The following MATN2 variants were observed in gnomAD, a reference collection of about 807,000 sequenced individuals.
The protein encoded by MATN2 is matrilin-2.
MATN2 carries 69 observed loss-of-function variants against 103.2 expected under a neutral mutation model. The observed-to-expected ratio is 0.67, with a 90% CI of 0.55 to 0.82. The LOEUF (loss-of-function observed/expected upper bound fraction) is 0.82, where lower values mean the gene tolerates loss of function less well. Ranked by LOEUF, MATN2 falls within the 40% of genes least tolerant of loss-of-function variation. The probability of loss-of-function intolerance (pLI) is 0.00; values close to 1 mark genes in which losing one functional copy is unlikely to be tolerated. For synonymous variants in MATN2, 429 were observed against 450.2 expected (o/e 0.95, Z 0.60); for missense variants, 1,023 against 1,211.5 (o/e 0.84, Z 2.31).
rs376896350 is a variant in MATN2, at chr8:97,943,448, A to ACCTCCT, written c.835+1562_835+1567dup. Among the ~76,000 whole-genome samples the ACCTCCT allele has an allele frequency of 1.1e-3, 138 of 125,374 alleles. 1 individual carries two copies. The highest frequency in any genetic ancestry group is 4.1e-3 in the African/African-American group (128 of 31,286). The allele number at this position is 125,374 out of a possible 152,430, so 82.3% of individuals were successfully genotyped here. A position where few individuals can be genotyped will look rare whatever the true frequency, so the allele number is the denominator to read the frequency against. On this transcript the variant is annotated intron_variant, in intron 4 of 18. Transcript: ENST00000254898. ...CTCCTTCTCCTTCTCCTCCTCCTCC[A>ACCTCCT]CCTCCTCCTCCTCCTCCTTCTTCTT... is the stretch of plus-strand genomic sequence containing the variant.
At chr8:97,998,147 T>G (rs1372929631) in intron 7 of MATN2, among the ~76,000 whole-genome samples, 5 of 151,562 alleles carry the variant, frequency 3.3e-5, no homozygotes, top group African/African-American at 1.2e-4. Flanking sequence ...AATAGCTGCC[T>G]GCCAGATTGC....
chr8:97,952,916 A>ATTTTTTT (rs71570276), intron 4 of MATN2, among the ~76,000 whole-genome samples: 7 of 96,104 alleles, frequency 7.3e-5, no homozygotes, highest in East Asian at 3.2e-4. Flanking sequence ...GTTTGTAGGG[A>ATTTTTTT]TTTTTTTTTT....
intron 11 of MATN2, among the ~76,000 whole-genome samples, chr8:98,017,091 T>A (rs183118711): frequency 6.6e-6 from 1 of 152,366 alleles, no homozygotes; most frequent in Admixed American, 6.5e-5. Context: ...TTCACTTATA[T>A]GCTCTGTGGC....
intron 10 of MATN2, among the ~76,000 whole-genome samples, chr8:98,010,002 C>T (rs559709269): frequency 2.0e-5 from 3 of 152,296 alleles, no homozygotes; most frequent in Non-Finnish European, 2.9e-5. Context: ...GCACAGGGTC[C>T]GCTCCCCGCT....
At chr8:97,933,232 G>A (rs1439743232) in intron 3 of MATN2, among the ~76,000 whole-genome samples, 2 of 152,228 alleles carry the variant, frequency 1.3e-5, no homozygotes, top group Non-Finnish European at 2.9e-5. Context: ...TGCAGAGGCT[G>A]TGTTGTTGTG....
At chr8:97,954,330 T>G (rs1410153514) in intron 4 of MATN2, among the ~76,000 whole-genome samples, 2 of 152,214 alleles carry the variant, frequency 1.3e-5, no homozygotes, top group African/African-American at 2.4e-5. Context: ...AAGCCTGCTC[T>G]CTCACCACGC....
intron 4 of MATN2, among the ~76,000 whole-genome samples, chr8:97,948,026 C>G (rs551719636): frequency 9.9e-5 from 15 of 152,066 alleles, no homozygotes; most frequent in Non-Finnish European, 1.5e-4. Context: ...TGAAAGCTAT[C>G]GTTCATATTT....
At position 98,033,570 on chromosome 8, in the gene MATN2, T is replaced by G. The variant is rs1400800199; in HGVS notation, c.2726T>G (p.Leu909Trp). 3 of 1,589,842 alleles carry G rather than the reference T, an allele frequency of 1.9e-6. No homozygotes were observed. In the African/African-American group the frequency reaches 4.0e-5, roughly 21 times the overall value. Residue 909 changes from leucine to tryptophan, a missense_variant, in exon 18 of 19, where the codon TTG becomes TGG. Leu to Trp is a moderately conservative substitution (Grantham distance 61). Coordinates refer to ENST00000254898, the MANE Select transcript of MATN2 (RefSeq NM_002380.5). ...CCATCTGCTTTCTCAGGAAGCCCTTTGGAAGAAAAACACGATCAATGCAAA... is the reference window on the plus strand; with the variant it reads ...CCATCTGCTTTCTCAGGAAGCCCTTGGGAAGAAAAACACGATCAATGCAAA... ...SHSTKPSGSP[L>W]EEKHDQCKCE... is the part of the protein sequence containing the mutation.
At chr8:97,922,495 T>TA (rs778958128) in intron 2 of MATN2, among the ~76,000 whole-genome samples, 3 of 152,196 alleles carry the variant, frequency 2.0e-5, no homozygotes, top group South Asian at 2.1e-4. Context: ...CAGACGTGGG[T>TA]AAAATTGAGT....
chr8:97,907,595 T>G (rs996195447), intron 2 of MATN2, among the ~76,000 whole-genome samples: 12 of 152,258 alleles, frequency 7.9e-5, no homozygotes, highest in African/African-American at 2.4e-4. Context: ...GTGCTGGGAT[T>G]ACAGGCGTGA....
At chr8:98,028,919 C>T (rs1267693725) in intron 14 of MATN2, among the ~76,000 whole-genome samples, 4 of 152,122 alleles carry the variant, frequency 2.6e-5, no homozygotes, top group African/African-American at 9.7e-5. Context: ...TTGTTGAGGA[C>T]ACACTGCTTT....
rs375745491 is a variant in MATN2, at chr8:97,870,547, A to G, written c.-27+1260A>G. Among the ~76,000 whole-genome samples, 27 of 152,304 alleles carry G rather than the reference A, an allele frequency of 1.8e-4. No homozygotes were observed. In the East Asian group the frequency reaches 4.4e-3, roughly 25 times the overall value. Reference sequence around the variant, plus strand: ...AGAAAAAAAAAAAGATATGGCAAGTAAAGTCCTTAGAACATTTCCAGGAGC... The same window carrying G: ...AGAAAAAAAAAAAGATATGGCAAGTGAAGTCCTTAGAACATTTCCAGGAGC... On this transcript the variant is annotated intron_variant, in intron 1 of 18. Coordinates refer to ENST00000254898, the MANE Select transcript of MATN2 (RefSeq NM_002380.5).
At position 97,931,512 on chromosome 8, in the gene MATN2, G is replaced by T. The variant is rs1374090507; in HGVS notation, c.702G>T (p.Lys234Asn). 1.9e-6 allele frequency: 3 copies of T among 1,605,858 alleles called. No homozygotes were observed. The highest frequency in any genetic ancestry group is 2.5e-6 in the Non-Finnish European group (3 of 1,176,522). The change falls in exon 3 of 19, where the codon AAG becomes AAT. Residue 234 changes from lysine (K) to asparagine (N), a missense_variant. Physicochemically the swap from Lys to Asn is moderately conservative, Grantham distance 94 (BLOSUM62 0). Transcript: ENST00000254898. This position sits in a 1 kb window ranked among gnomAD's most constrained non-coding sequence, Gnocchi z 4.1. ...QIETLTSVFQ[K>N]KLCTAHMCST... ...AGACGCTGACCTCCGTGTTCCAGAA[G>T]AAGTTGTGCAGTAAGTCCTGCTCCT... is the stretch of plus-strand genomic sequence containing the variant.
chr8:97,951,997 G>C (rs1810968840), intron 4 of MATN2: 1 of 152,180 alleles, frequency 6.6e-6, no homozygotes, highest in African/African-American at 2.4e-5. Context: ...AGAAGCACGA[G>C]GCTGATGACT....
chr8:97,938,128 C>G (rs1278803932), intron 3 of MATN2, among the ~76,000 whole-genome samples: 1 of 152,172 alleles, frequency 6.6e-6, no homozygotes, highest in Non-Finnish European at 1.5e-5. Flanking sequence ...CCACTCATGA[C>G]AGTGGGTGAC....
intron 3 of MATN2, among the ~76,000 whole-genome samples, chr8:97,941,186 G>GAAAAAAAAAAAAAA (rs1274606689): frequency 1.4e-5 from 1 of 70,084 alleles, no homozygotes; most frequent in Non-Finnish European, 2.4e-5. Context: ...AAAAAAAAAA[G>GAAAAAAAAAAAAAA]AAAGAAAGAA....
Position 98,030,484 on chromosome 8 carries a change from G to T in MATN2, c.2379G>T (p.Gly793=), listed in dbSNP as rs1563737067. Residue 793 remains glycine, a synonymous_variant, in exon 15 of 19, where the codon GGG becomes GGT. Coordinates refer to ENST00000254898, the MANE Select transcript of MATN2 (RefSeq NM_002380.5). The stretch of plus-strand genomic sequence containing the variant: ...TAGGTATCACTATGTATGCTGTTGG[G>T]GTAGGAAAAGCCATTGAGGAGGAAC... ...KANGITMYAV[G]VGKAIEEELQ... 6.2e-7 allele frequency: 1 copy of T among 1,613,540 alleles called. No individual in the cohort carries two copies. Among genetic ancestry groups the T allele is most frequent in the African/African-American group, 1.3e-5 (1 of 74,844 alleles).
intron 2 of MATN2, among the ~76,000 whole-genome samples, chr8:97,889,390 T>C (rs1397693121): frequency 6.6e-6 from 1 of 151,228 alleles, no homozygotes; most frequent in African/African-American, 2.4e-5. Flanking sequence ...GTGTTTAGTA[T>C]GTTAATTGAA....
chr8:97,936,020 C>T (rs1028376786), intron 3 of MATN2, among the ~76,000 whole-genome samples: 1 of 152,168 alleles, frequency 6.6e-6, no homozygotes, highest in Non-Finnish European at 1.5e-5. Context: ...AGGCTTTATA[C>T]TTGCAGGCAG....
Sources: gnomAD v4.1 joint callset for allele counts (sites outside exome capture counted in the v4.1 genomes callset) on GRCh38, gnomAD v4.1.1 for gene constraint, Gnocchi (gnomAD v3.1) non-coding constraint, MANE v1.5 for transcripts, NCBI Gene and HGNC (gene_info 2026-07-23, HGNC 2026-07-21) for gene names.